ZNF407: variants seen among roughly 807,000 people sequenced by gnomAD.
ZNF407 encodes the protein zinc finger protein 407.
A neutral mutation model predicts 131.2 loss-of-function variants in ZNF407; 17 were observed. That is an observed-to-expected ratio of 0.13 (90% confidence interval 0.09 to 0.19). The LOEUF is 0.19. Among genes scored for constraint, ZNF407 ranks in the 10% least tolerant of loss-of-function variants. ZNF407 has a pLI of 1.00. For synonymous variants in ZNF407, 1,156 were observed against 1,062.0 expected (o/e 1.09, Z -1.72); for missense variants, 2,681 against 2,830.6 (o/e 0.95, Z 1.20).
chr18:74,756,325 T>G (rs1017514949), intron 3 of ZNF407, among the ~76,000 whole-genome samples: 2 of 152,222 alleles, frequency 1.3e-5, no homozygotes, highest in African/African-American at 4.8e-5. Flanking sequence ...TTATGAATTT[T>G]TAAGGATCAC....
intron 3 of ZNF407, among the ~76,000 whole-genome samples, chr18:74,660,243 A>G (rs746202399): frequency 6.6e-6 from 1 of 152,142 alleles, no homozygotes; most frequent in Non-Finnish European, 1.5e-5. Flanking sequence ...GGGTAAACAT[A>G]GATTTTTTTT....
intron 1 of ZNF407, among the ~76,000 whole-genome samples, chr18:74,626,434 A>G (rs1983789209): frequency 6.6e-6 from 1 of 152,148 alleles, no homozygotes; most frequent in Non-Finnish European, 1.5e-5. Flanking sequence ...ACTGCTGTAG[A>G]TCTTAGTTTG....
At chr18:74,708,095 A>T (rs958901314) in intron 3 of ZNF407, among the ~76,000 whole-genome samples, 1 of 152,194 alleles carries the variant, frequency 6.6e-6, no homozygotes, top group Non-Finnish European at 1.5e-5. Context: ...AGCAGTTAGG[A>T]TTTCATCATG....
chr18:74,938,319 C>G (rs926797796), intron 8 of ZNF407, among the ~76,000 whole-genome samples: 1 of 152,142 alleles, frequency 6.6e-6, no homozygotes, highest in African/African-American at 2.4e-5. Context: ...TCGTCATATA[C>G]TGGTGAAAAA....
intron 3 of ZNF407, among the ~76,000 whole-genome samples, chr18:74,776,585 C>T (rs1334493389): frequency 6.6e-6 from 1 of 152,108 alleles, no homozygotes; most frequent in East Asian, 1.9e-4. Flanking sequence ...GAAAATTCCC[C>T]CTACCCCTAC....
chr18:74,766,576 A>G (rs1475551528), intron 3 of ZNF407, among the ~76,000 whole-genome samples: 1 of 152,194 alleles, frequency 6.6e-6, no homozygotes, highest in African/African-American at 2.4e-5. Flanking sequence ...AGGAAATGGA[A>G]TTTGGCTAAG....
chr18:74,821,690 T>C (rs1379907431), intron 4 of ZNF407, among the ~76,000 whole-genome samples: 1 of 152,214 alleles, frequency 6.6e-6, no homozygotes, highest in Non-Finnish European at 1.5e-5. Context: ...TTTGGGTTGG[T>C]TCCAAGTCTT....
At chr18:74,936,856 A>C (rs985886100) in intron 8 of ZNF407, among the ~76,000 whole-genome samples, 1 of 152,210 alleles carries the variant, frequency 6.6e-6, no homozygotes, top group Non-Finnish European at 1.5e-5. Context: ...CTGAATCATC[A>C]TTGAAAAGCT....
chr18:74,956,694 G>A (rs991044238), intron 8 of ZNF407, among the ~76,000 whole-genome samples: 3 of 152,164 alleles, frequency 2.0e-5, no homozygotes, highest in South Asian at 2.1e-4. Flanking sequence ...GTGTTGAGCC[G>A]TGACTGGAAG....
At chr18:74,999,366 A>C (rs866721265) in intron 8 of ZNF407, among the ~76,000 whole-genome samples, 2,131 of 149,752 alleles carry the variant, frequency 0.014, 50 homozygotes, top group African/African-American at 0.047. Context: ...AAAAAAAAAA[A>C]AAAAAAAAAC....
At chr18:74,891,716 GT>G (rs1971387757) in intron 7 of ZNF407, among the ~76,000 whole-genome samples, 2 of 152,106 alleles carry the variant, frequency 1.3e-5, no homozygotes, top group African/African-American at 4.8e-5. Context: ...ATTATTAAAT[GT>G]TCTTTTTCCT....
chr18:74,916,781 A>AGGGTGTGTGTGT (rs1971776547), intron 7 of ZNF407, among the ~76,000 whole-genome samples: 1 of 87,924 alleles, frequency 1.1e-5, no homozygotes, highest in African/African-American at 5.1e-5. Flanking sequence ...TCGAATCGGG[A>AGGGTGTGTGTGT]GTGTGTGTGT....
At chr18:74,947,669 T>C (rs2145275532) in intron 8 of ZNF407, among the ~76,000 whole-genome samples, 1 of 152,158 alleles carries the variant, frequency 6.6e-6, no homozygotes, top group Non-Finnish European at 1.5e-5. Context: ...GCTGTCATCC[T>C]GGCAACGGTG....
At chr18:74,838,748 A>G (rs1023742380) in intron 4 of ZNF407, among the ~76,000 whole-genome samples, 9 of 152,202 alleles carry the variant, frequency 5.9e-5, no homozygotes, top group Admixed American at 3.3e-4. Context: ...TTCCTTACTC[A>G]GTGAACCAAA....
chr18:74,687,606 A>G (rs536398206), intron 3 of ZNF407, among the ~76,000 whole-genome samples: 2 of 152,340 alleles, frequency 1.3e-5, no homozygotes, highest in East Asian at 3.9e-4. Context: ...TTGTAGCATT[A>G]TATAAGGAAT....
chr18:74,879,426 G>A (rs1162296526), intron 5 of ZNF407, among the ~76,000 whole-genome samples: 2 of 152,132 alleles, frequency 1.3e-5, no homozygotes, highest in African/African-American at 2.4e-5. Flanking sequence ...ACGAGGAATT[G>A]ATTGGAGGGA....
At chr18:74,799,637 C>T (rs1599162578) in intron 4 of ZNF407, among the ~76,000 whole-genome samples, 1 of 152,002 alleles carries the variant, frequency 6.6e-6, no homozygotes, top group East Asian at 1.9e-4. Context: ...GTCAGTATCT[C>T]TTTTCATTTG....
chr18:74,957,963 A>G (rs937006238), intron 8 of ZNF407, among the ~76,000 whole-genome samples: 1 of 152,184 alleles, frequency 6.6e-6, no homozygotes, highest in Middle Eastern at 3.2e-3. Context: ...TGGCAGAGGG[A>G]CACATGTTTT....
intron 3 of ZNF407, among the ~76,000 whole-genome samples, chr18:74,719,645 C>T (rs1295503525): frequency 6.6e-6 from 1 of 152,174 alleles, no homozygotes; most frequent in African/African-American, 2.4e-5. Flanking sequence ...CCTCGTGATC[C>T]TCCCGCCTCA....
Sources: gnomAD v4.1 joint callset for allele counts (sites outside exome capture counted in the v4.1 genomes callset) on GRCh38, gnomAD v4.1.1 for gene constraint, MANE v1.5 for transcripts, NCBI Gene and HGNC (gene_info 2026-07-23, HGNC 2026-07-21) for gene names.